CXXC5: variants seen among roughly 807,000 people sequenced by gnomAD.
CXXC5 encodes CXXC-type zinc finger protein 5.
A neutral mutation model predicts 17.6 loss-of-function variants in CXXC5; 2 were observed. That is an observed-to-expected ratio of 0.11 (90% CI 0.05 to 0.36). CXXC5 has a LOEUF of 0.36. Among genes scored for constraint, CXXC5 ranks in the 10% least tolerant of loss-of-function variants. The probability of loss-of-function intolerance (pLI) is 1.00; values close to 1 mark genes in which losing one functional copy is unlikely to be tolerated. For synonymous variants in CXXC5, 171 were observed against 193.0 expected (o/e 0.89, Z 0.94); for missense variants, 343 against 458.3 (o/e 0.75, Z 2.30).
chr5:139,652,163 C>CGTGTGTGTGTGTGTGT (rs1326798150), intron 1 of CXXC5, among the ~76,000 whole-genome samples: 5 of 139,810 alleles, frequency 3.6e-5, no homozygotes, highest in African/African-American at 1.4e-4. Flanking sequence ...CGCGCGCGCG[C>CGTGTGTGTGTGTGTGT]GCGCGCGCGT....
At position 139,648,569 on chromosome 5, in the gene CXXC5, C is replaced by T; in HGVS notation, c.-437C>T. 6.6e-6 allele frequency: 1 copy of T among 151,994 alleles called. No individual in the cohort carries two copies. Among genetic ancestry groups the T allele is most frequent in the Non-Finnish European group, 1.5e-5 (1 of 67,968 alleles). 9.4% of individuals were successfully genotyped at this position (151,994 alleles called of 1,614,324 possible). ...CACGCTGAGCCCTCCGCCCGCGAGCCGCGCTCAGCTCGGGGGTGATTAGTT... is the reference window on the plus strand; with the variant it reads ...CACGCTGAGCCCTCCGCCCGCGAGCTGCGCTCAGCTCGGGGGTGATTAGTT... On this transcript the variant is annotated 5_prime_UTR_variant, in exon 1 of 3. Coordinates refer to ENST00000302517, the MANE Select transcript of CXXC5 (RefSeq NM_016463.9).
intron 1 of CXXC5, among the ~76,000 whole-genome samples, chr5:139,674,705 G>C (rs957531065): frequency 1.3e-5 from 2 of 152,184 alleles, no homozygotes; most frequent in African/African-American, 4.8e-5. Context: ...ACTATACCTC[G>C]ATAAAACTGT....
chr5:139,647,871 C>T (rs1347650503), upstream of CXXC5: 1 of 152,048 alleles, frequency 6.6e-6, no homozygotes, highest in East Asian at 1.9e-4. Flanking sequence ...CGTCTACCTC[C>T]CAGGACCCTC....
intron 1 of CXXC5, chr5:139,675,594 G>A (rs1756738082): frequency 1.3e-5 from 2 of 152,138 alleles, no homozygotes. Flanking sequence ...ACCTGCCTTG[G>A]GCCACTCTGT....
chr5:139,659,947 C>A (rs1434792331), intron 1 of CXXC5, among the ~76,000 whole-genome samples: 1 of 152,216 alleles, frequency 6.6e-6, no homozygotes. Context: ...ACAGCGGGTG[C>A]CCGCGCAGCC....
At chr5:139,666,827 A>G (rs978265838) in intron 1 of CXXC5, among the ~76,000 whole-genome samples, 1 of 152,116 alleles carries the variant, frequency 6.6e-6, no homozygotes, top group Non-Finnish European at 1.5e-5. Context: ...GCTGACTGAG[A>G]CTGTGCTGTG....
chr5:139,676,691 G>C (rs1445078169), intron 1 of CXXC5, among the ~76,000 whole-genome samples: 6 of 148,242 alleles, frequency 4.0e-5, no homozygotes, highest in Admixed American at 4.0e-4. Flanking sequence ...GGCATGCCCA[G>C]CTGCCTTCTG....
chr5:139,665,549 C>T (rs908812854), intron 1 of CXXC5: 9 of 152,328 alleles, frequency 5.9e-5, no homozygotes, highest in African/African-American at 2.4e-5. Flanking sequence ...GTTATGGCCA[C>T]CCCCTTACAC....
intron 1 of CXXC5, among the ~76,000 whole-genome samples, chr5:139,651,528 C>T (rs1005340732): frequency 9.9e-5 from 15 of 152,216 alleles, no homozygotes; most frequent in Non-Finnish European, 1.9e-4. Context: ...CTGCCTCCTA[C>T]TCATTTGGCA....
rs1756422137 is a variant in CXXC5, at chr5:139,670,818, G to A, written c.-160-9546G>A. Among the ~76,000 whole-genome samples, 1 of 151,434 alleles carries A rather than the reference G, an allele frequency of 6.6e-6. No homozygotes were observed. Among genetic ancestry groups the A allele is most frequent in the African/African-American group, 2.4e-5 (1 of 41,218 alleles). On this transcript the variant is annotated intron_variant, in intron 1 of 2. Transcript: ENST00000302517. The surrounding 1 kb of genome is among the most constrained non-coding windows in gnomAD (Gnocchi z 4.2). ...TCCCCATATATGCTTTAATGCTGTGGTCTGTAGAGGGCGACATCTTGAGAC... is the reference window on the plus strand; with the variant it reads ...TCCCCATATATGCTTTAATGCTGTGATCTGTAGAGGGCGACATCTTGAGAC...
At chr5:139,669,166 G>C (rs916101681) in intron 1 of CXXC5, among the ~76,000 whole-genome samples, 1 of 152,222 alleles carries the variant, frequency 6.6e-6, no homozygotes, top group African/African-American at 2.4e-5. Flanking sequence ...TAGCAGGTGG[G>C]ATTTTTCCTC....
Position 139,663,376 on chromosome 5 carries a change from G to C in CXXC5, c.-161+14531G>C, listed in dbSNP as rs1755925947. Among the ~76,000 whole-genome samples the C allele has an allele frequency of 6.6e-6, 1 of 152,166 alleles. No homozygotes were observed. Among genetic ancestry groups the C allele is most frequent in the Non-Finnish European group, 1.5e-5 (1 of 68,020 alleles). On this transcript the variant is annotated intron_variant, in intron 1 of 2. Transcript: ENST00000302517. This position sits in a 1 kb window ranked among gnomAD's most constrained non-coding sequence, Gnocchi z 4.2. Reference sequence around the variant, plus strand: ...TGGGATGTGCCTTTGTGGCAGGGCTGTCAGGGCTGTGGGAGATCTAAGAAG... The same window carrying C: ...TGGGATGTGCCTTTGTGGCAGGGCTCTCAGGGCTGTGGGAGATCTAAGAAG...
At chr5:139,648,257 GTT>G, upstream of CXXC5, 1 of 113,050 alleles carries the variant, frequency 8.8e-6, no homozygotes, top group Non-Finnish European at 1.9e-5. Context: ...GGTGGAGGGG[GTT>G]GGGGGGAGGA....
chr5:139,655,079 G>T (rs1755414242), intron 1 of CXXC5, among the ~76,000 whole-genome samples: 1 of 152,260 alleles, frequency 6.6e-6, no homozygotes, highest in South Asian at 2.1e-4. Context: ...AGGCCTCCTG[G>T]CTTTCTTGAT....
At chr5:139,655,247 T>TGGAGGTGGTGGAGAGACAGGCC (rs1325173273) in intron 1 of CXXC5, among the ~76,000 whole-genome samples, 1 of 152,118 alleles carries the variant, frequency 6.6e-6, no homozygotes, top group Non-Finnish European at 1.5e-5. Context: ...CTGGCTGTGA[T>TGGAGGTGGTGGAGAGACAGGCC]GGAGGTGGTG....
At position 139,661,390 on chromosome 5, in the gene CXXC5, C is replaced by T. The variant is rs918710413; in HGVS notation, c.-161+12545C>T. Among the ~76,000 whole-genome samples the T allele has an allele frequency of 3.3e-5, 5 of 152,150 alleles. No individual in the cohort carries two copies. Among genetic ancestry groups the T allele is most frequent in the Non-Finnish European group, 7.4e-5 (5 of 68,022 alleles). ...AGGACAGACACAGTCACTTGCAGCACACGTAGTTCCACACGACTCAGCACA... is the reference window on the plus strand; with the variant it reads ...AGGACAGACACAGTCACTTGCAGCATACGTAGTTCCACACGACTCAGCACA... On this transcript the variant is annotated intron_variant, in intron 1 of 2. Transcript: ENST00000302517. The surrounding 1 kb of genome is among the most constrained non-coding windows in gnomAD (Gnocchi z 4.7).
chr5:139,674,836 A>AAAT (rs1023179198), intron 1 of CXXC5, among the ~76,000 whole-genome samples: 9 of 152,258 alleles, frequency 5.9e-5, no homozygotes, highest in African/African-American at 1.2e-4. Context: ...CTAAAAATTA[A>AAAT]AATAATAATA....
chr5:139,652,171 C>CGTGTGTGTGTGTGTGT (rs70988712), intron 1 of CXXC5, among the ~76,000 whole-genome samples: 3 of 114,960 alleles, frequency 2.6e-5, no homozygotes, highest in African/African-American at 8.5e-5. Context: ...CGCGCGCGCG[C>CGTGTGTGTGTGTGTGT]GTGTGTGTGT....
chr5:139,653,166 C>CTG (rs2126741402), intron 1 of CXXC5, among the ~76,000 whole-genome samples: 1 of 152,340 alleles, frequency 6.6e-6, no homozygotes, highest in African/African-American at 2.4e-5. Flanking sequence ...GGCAGCCTCC[C>CTG]CGTCTGCCTG....
Sources: gnomAD v4.1 joint callset for allele counts (sites outside exome capture counted in the v4.1 genomes callset) on GRCh38, gnomAD v4.1.1 for gene constraint, Gnocchi (gnomAD v3.1) non-coding constraint, MANE v1.5 for transcripts, NCBI Gene and HGNC (gene_info 2026-07-23, HGNC 2026-07-21) for gene names.